BABAM2: variants seen among roughly 807,000 people sequenced by gnomAD.
The protein encoded by BABAM2 is BRISC and BRCA1-A complex member 2.
A neutral mutation model predicts 54.7 loss-of-function variants in BABAM2; 31 were observed. The ratio of observed to expected loss-of-function variants is 0.57; its 90% CI spans 0.43 to 0.77. BABAM2 has a LOEUF of 0.77. BABAM2 is among the 30% of genes least tolerant of loss of function. The pLI is 0.00. For missense variants in BABAM2, 364 were observed against 455.8 expected, an observed-to-expected ratio of 0.80 and a Z score of 1.83; for synonymous variants, 167 against 162.9, an observed-to-expected ratio of 1.03 and a Z score of -0.19.
At chr2:27,956,593 A>C (rs1670107621) in intron 3 of BABAM2, among the ~76,000 whole-genome samples, 1 of 152,220 alleles carries the variant, frequency 6.6e-6, no homozygotes, top group Non-Finnish European at 1.5e-5. Context: ...ATGATGTCTT[A>C]TGTGGAAATT....
At chr2:28,104,828 G>A (rs1667368608) in intron 6 of BABAM2, among the ~76,000 whole-genome samples, 1 of 152,146 alleles carries the variant, frequency 6.6e-6, no homozygotes. Context: ...AGAAAATTTG[G>A]CACTTATACA....
At chr2:27,917,348 TAGTC>T (rs989659632) in intron 2 of BABAM2, among the ~76,000 whole-genome samples, 56 of 152,218 alleles carry the variant, frequency 3.7e-4, no homozygotes, top group African/African-American at 1.2e-3. Flanking sequence ...CACCCTGTCT[TAGTC>T]AGTTTGGGTT....
At chr2:28,055,153 A>C (rs1046927306) in intron 6 of BABAM2, among the ~76,000 whole-genome samples, 2 of 152,226 alleles carry the variant, frequency 1.3e-5, no homozygotes, top group Non-Finnish European at 2.9e-5. Flanking sequence ...TAAGGAAACT[A>C]ACACAGGAAC....
chr2:28,295,557 G>A (rs1341187187), intron 10 of BABAM2, among the ~76,000 whole-genome samples: 1 of 151,980 alleles, frequency 6.6e-6, no homozygotes, highest in Non-Finnish European at 1.5e-5. Context: ...GTCCAGTGGC[G>A]CTGTCTCGGC....
chr2:27,924,509 C>G (rs967713694), intron 2 of BABAM2, among the ~76,000 whole-genome samples: 2 of 152,088 alleles, frequency 1.3e-5, no homozygotes, highest in African/African-American at 4.8e-5. Flanking sequence ...CTCAGCCTCC[C>G]TAGTAGCTGG....
At chr2:28,103,202 A>G (rs1430966334) in intron 6 of BABAM2, among the ~76,000 whole-genome samples, 2 of 152,100 alleles carry the variant, frequency 1.3e-5, no homozygotes, top group Non-Finnish European at 2.9e-5. Context: ...CCTTATAGCC[A>G]GTGTTCCAGA....
chr2:28,265,426 C>CA (rs1182180086), intron 10 of BABAM2, among the ~76,000 whole-genome samples: 1 of 152,002 alleles, frequency 6.6e-6, no homozygotes, highest in African/African-American at 2.4e-5. Flanking sequence ...GACTCTGTCT[C>CA]AAAATAAATA....
chr2:28,179,860 A>G (rs917323796), intron 7 of BABAM2, among the ~76,000 whole-genome samples: 7 of 152,204 alleles, frequency 4.6e-5, no homozygotes, highest in Non-Finnish European at 7.4e-5. Flanking sequence ...GAATAAGACA[A>G]TCTCATTTAT....
At chr2:27,943,044 G>A (rs528778468) in intron 3 of BABAM2, among the ~76,000 whole-genome samples, 22 of 151,990 alleles carry the variant, frequency 1.4e-4, no homozygotes, top group Non-Finnish European at 2.6e-4. Context: ...TTCCACTGTG[G>A]CCTCCCAAAG....
chr2:28,179,139 G>A (rs1425368985), intron 7 of BABAM2, among the ~76,000 whole-genome samples: 3 of 152,216 alleles, frequency 2.0e-5, no homozygotes, highest in Middle Eastern at 3.4e-3. Flanking sequence ...CTCATTCTAT[G>A]AGGCCAGCAT....
At position 28,260,581 on chromosome 2, in the gene BABAM2, C is replaced by T. The variant is rs78720150; in HGVS notation, c.934+15719C>T. Among the ~76,000 whole-genome samples, 12 of 152,226 alleles carry T rather than the reference C, an allele frequency of 7.9e-5. No individual in the cohort carries two copies. The East Asian group carries it at 1.7e-3, about 22-fold the overall frequency. ...CCTCCCAAAGTGCTGGAATTACAGGCGTGAGGCAGCGCATCCAGCCAACTT... is the reference window on the plus strand; with the variant it reads ...CCTCCCAAAGTGCTGGAATTACAGGTGTGAGGCAGCGCATCCAGCCAACTT... On this transcript the variant is annotated intron_variant, in intron 10 of 11. Transcript: ENST00000379624.
chr2:28,265,898 C>G (rs1403227815), intron 10 of BABAM2, among the ~76,000 whole-genome samples: 1 of 152,098 alleles, frequency 6.6e-6, no homozygotes. Context: ...CTGGCTTGTT[C>G]TTCTCGTCAC....
intron 6 of BABAM2, among the ~76,000 whole-genome samples, chr2:28,055,844 G>A (rs1678362865): frequency 6.6e-6 from 1 of 152,174 alleles, no homozygotes; most frequent in Non-Finnish European, 1.5e-5. Flanking sequence ...CAACCTAATT[G>A]TTCAACAGTG....
At chr2:28,139,320 T>C (rs4666038) in intron 7 of BABAM2, among the ~76,000 whole-genome samples, 2,643 of 32,908 alleles carry the variant, frequency 0.08, 237 homozygotes, top group Admixed American at 0.37. Context: ...AAACTCCGTC[T>C]CAAAAAAAAA....
chr2:27,937,999 G>A (rs549481871), intron 3 of BABAM2, among the ~76,000 whole-genome samples: 1 of 152,036 alleles, frequency 6.6e-6, no homozygotes, highest in Non-Finnish European at 1.5e-5. Flanking sequence ...GAAAGGTAAG[G>A]GCTAGTGTTA....
chr2:28,088,018 C>A (rs61674243), intron 6 of BABAM2, among the ~76,000 whole-genome samples: 6,768 of 152,200 alleles, frequency 0.044, 488 homozygotes, highest in African/African-American at 0.15. Context: ...CAGAAGTCTT[C>A]ATCACAATAT....
chr2:28,282,892 G>A (rs933219505), intron 10 of BABAM2, among the ~76,000 whole-genome samples: 3 of 151,172 alleles, frequency 2.0e-5, no homozygotes, highest in African/African-American at 2.4e-5. Flanking sequence ...TCAGCTACTC[G>A]GGAGGCTGAG....
chr2:27,894,649 T>C lies in BABAM2; in HGVS notation c.93T>C (p.Ala31=). 1 of 1,614,206 alleles carries C rather than the reference T, an allele frequency of 6.2e-7. No individual in the cohort carries two copies. The highest frequency in any genetic ancestry group is 1.1e-5 in the South Asian group (1 of 91,084). Residue 31 remains alanine (A), a synonymous_variant, in exon 2 of 12, where the codon GCT becomes GCC. Coordinates refer to ENST00000379624, the MANE Select transcript of BABAM2 (RefSeq NM_199191.3). ...GGAATGGAAAAGTGGGACTGGATGCTACAAACTGTTTGAGGATAACTGACT... is the reference window on the plus strand; with the variant it reads ...GGAATGGAAAAGTGGGACTGGATGCCACAAACTGTTTGAGGATAACTGACT... ...VVRNGKVGLD[A]TNCLRITDLK...
chr2:28,018,900 G>GTA (rs2148549360), intron 4 of BABAM2, among the ~76,000 whole-genome samples: 1 of 152,212 alleles, frequency 6.6e-6, no homozygotes, highest in East Asian at 1.9e-4. Context: ...TGTTATATAG[G>GTA]TATATATGAA....
Sources: gnomAD v4.1 joint callset for allele counts (sites outside exome capture counted in the v4.1 genomes callset) on GRCh38, gnomAD v4.1.1 for gene constraint, MANE v1.5 for transcripts, NCBI Gene and HGNC (gene_info 2026-07-23, HGNC 2026-07-21) for gene names.